Variants in PRKG1 observed in about 807,000 individuals in gnomAD.
The protein encoded by PRKG1 is protein kinase cGMP-dependent 1.
A neutral mutation model predicts 88.1 loss-of-function variants in PRKG1; 35 were observed. The ratio of observed to expected loss-of-function variants is 0.40; its 90% CI spans 0.30 to 0.53. The LOEUF (loss-of-function observed/expected upper bound fraction) is 0.53. PRKG1 is among the 20% of genes least tolerant of loss of function. The pLI is 0.59. For synonymous variants in PRKG1, 303 were observed against 292.5 expected (o/e 1.04, Z -0.37); for missense variants, 540 against 839.8 (o/e 0.64, Z 4.41).
chr10:51,434,200 A>G (rs958098540), intron 2 of PRKG1, among the ~76,000 whole-genome samples: 15 of 152,092 alleles, frequency 9.9e-5, no homozygotes, highest in African/African-American at 3.6e-4. Flanking sequence ...ACTTAACCCC[A>G]AGGCAGTGCG....
chr10:51,187,745 T>G (rs1564631757), intron 2 of PRKG1, among the ~76,000 whole-genome samples: 1 of 152,054 alleles, frequency 6.6e-6, no homozygotes, highest in East Asian at 1.9e-4. Flanking sequence ...AACATAAGGC[T>G]ACAATGCCTA....
chr10:51,383,864 T>C (rs1402097724), intron 2 of PRKG1, among the ~76,000 whole-genome samples: 1 of 152,224 alleles, frequency 6.6e-6, no homozygotes, highest in Non-Finnish European at 1.5e-5. Flanking sequence ...ATTCTGTGAA[T>C]TGTCTTCAAT....
At chr10:52,201,229 T>C (rs945094894) in intron 9 of PRKG1, among the ~76,000 whole-genome samples, 23 of 152,204 alleles carry the variant, frequency 1.5e-4, no homozygotes, top group African/African-American at 5.1e-4. Context: ...TTGATTTTTG[T>C]ATATAGTATA....
chr10:52,221,779 T>C (rs1840252271), intron 9 of PRKG1, among the ~76,000 whole-genome samples: 1 of 152,206 alleles, frequency 6.6e-6, no homozygotes, highest in Non-Finnish European at 1.5e-5. Context: ...TTAATATTTC[T>C]AAATATTGTA....
chr10:52,093,226 C>G (rs1167874737), intron 7 of PRKG1, among the ~76,000 whole-genome samples: 1 of 151,834 alleles, frequency 6.6e-6, no homozygotes, highest in Non-Finnish European at 1.5e-5. Context: ...CGTTTTGTTT[C>G]TTTAGGTGAA....
intron 5 of PRKG1, among the ~76,000 whole-genome samples, chr10:51,930,541 A>T (rs899526379): frequency 6.4e-5 from 8 of 125,552 alleles, no homozygotes; most frequent in Admixed American, 9.8e-5. Context: ...TTCAGGTTAC[A>T]GTTCAGCGGC....
intron 4 of PRKG1, among the ~76,000 whole-genome samples, chr10:51,905,836 T>C (rs1842074592): frequency 6.6e-6 from 1 of 152,200 alleles, no homozygotes. Context: ...CACAAATCCA[T>C]GCTTTCATAA....
chr10:51,136,024 G>A (rs1352688184), intron 1 of PRKG1, among the ~76,000 whole-genome samples: 3 of 150,998 alleles, frequency 2.0e-5, no homozygotes, highest in Admixed American at 1.3e-4. Flanking sequence ...GCTAAATGAC[G>A]AGTTAATGGG....
chr10:51,838,864 A>G lies in PRKG1; in HGVS notation c.698+34174A>G, dbSNP rs1283130628. On this transcript the variant is annotated intron_variant, in intron 4 of 17. Transcript: ENST00000373980. Reference sequence around the variant, plus strand: ...CGTTCTGAGGCAAATAAATTTGTTAAGTGCTGAGATAGACCAATTTTTCCA... The same window carrying G: ...CGTTCTGAGGCAAATAAATTTGTTAGGTGCTGAGATAGACCAATTTTTCCA... Among the ~76,000 whole-genome samples, 10 of 152,218 alleles carry G rather than the reference A, an allele frequency of 6.6e-5. No homozygotes were observed. In the South Asian group the frequency reaches 1.7e-3, roughly 25 times the overall value.
At chr10:52,096,323 A>C (rs542544266) in intron 7 of PRKG1, among the ~76,000 whole-genome samples, 1 of 152,272 alleles carries the variant, frequency 6.6e-6, no homozygotes, top group South Asian at 2.1e-4. Context: ...AAATCTGATG[A>C]ATGGGTAGCA....
chr10:52,048,525 G>A (rs1845913990), intron 5 of PRKG1, among the ~76,000 whole-genome samples: 1 of 151,950 alleles, frequency 6.6e-6, no homozygotes, highest in Non-Finnish European at 1.5e-5. Context: ...CACCATCAAG[G>A]CCTTCAACAA....
chr10:52,230,689 T>A (rs1286596133), intron 9 of PRKG1: 1 of 152,192 alleles, frequency 6.6e-6, no homozygotes, highest in African/African-American at 2.4e-5. Flanking sequence ...TCTCATAAAA[T>A]TGGCTATCTG....
intron 5 of PRKG1, among the ~76,000 whole-genome samples, chr10:51,989,398 A>C (rs1844245064): frequency 7.5e-6 from 1 of 133,382 alleles, no homozygotes; most frequent in Admixed American, 8.0e-5. Flanking sequence ...GAATGACTGG[A>C]AGGGACGGAT....
intron 2 of PRKG1, among the ~76,000 whole-genome samples, chr10:51,433,818 C>G (rs899470808): frequency 2.0e-5 from 3 of 152,116 alleles, no homozygotes; most frequent in Non-Finnish European, 4.4e-5. Context: ...GCCTAACAGT[C>G]TAATACATAA....
intron 4 of PRKG1, among the ~76,000 whole-genome samples, chr10:51,847,281 A>G (rs1840423738): frequency 6.6e-6 from 1 of 152,180 alleles, no homozygotes; most frequent in Non-Finnish European, 1.5e-5. Context: ...TTGTCACTCA[A>G]AACCACAAAT....
Position 51,424,215 on chromosome 10 carries a change from A to G in PRKG1, c.479-43508A>G, listed in dbSNP as rs16917830. The stretch of plus-strand genomic sequence containing the variant: ...GGGGTCACATAGCTATCTTTAAACC[A>G]GAGTTGAGTCCAGTTCTCTTTGGAC... On this transcript the variant is annotated intron_variant, in intron 2 of 17. Coordinates refer to ENST00000373980, the MANE Select transcript of PRKG1 (RefSeq NM_006258.4). Among the ~76,000 whole-genome samples, 300 of 152,258 alleles carry G rather than the reference A, an allele frequency of 2.0e-3. 3 individuals carry two copies. In the East Asian group the frequency reaches 0.027, roughly 14 times the overall value.
intron 2 of PRKG1, chr10:51,319,898 G>A (rs1202861049): frequency 6.0e-6 from 1 of 166,656 alleles, no homozygotes; most frequent in Non-Finnish European, 1.3e-5. Context: ...TGGACAGGGT[G>A]ACTAGGTCAT....
At chr10:51,277,088 G>GT (rs1350818466) in intron 2 of PRKG1, among the ~76,000 whole-genome samples, 1 of 152,136 alleles carries the variant, frequency 6.6e-6, no homozygotes, top group Non-Finnish European at 1.5e-5. Flanking sequence ...GGTTTTTATG[G>GT]TTTTAGGTCT....
intron 2 of PRKG1, among the ~76,000 whole-genome samples, chr10:51,189,257 T>G (rs992098594): frequency 6.6e-6 from 1 of 151,960 alleles, no homozygotes; most frequent in African/African-American, 2.4e-5. Flanking sequence ...AAATATTTCC[T>G]TAGTCAAAAT....
Sources: gnomAD v4.1 joint callset for allele counts (sites outside exome capture counted in the v4.1 genomes callset) on GRCh38, gnomAD v4.1.1 for gene constraint, MANE v1.5 for transcripts, NCBI Gene and HGNC (gene_info 2026-07-23, HGNC 2026-07-21) for gene names.